EFHC2: variants seen among roughly 807,000 people sequenced by gnomAD.
EFHC2 encodes EF-hand domain-containing family member C2.
EFHC2 carries 18 observed loss-of-function variants against 52.7 expected under a neutral mutation model. The ratio of observed to expected loss-of-function variants is 0.34; its 90% CI spans 0.24 to 0.51. EFHC2 has a LOEUF of 0.51. EFHC2 is among the 20% of genes least tolerant of loss of function. The pLI, the probability that EFHC2 is intolerant of heterozygous loss-of-function variation, is 0.97. For missense variants in EFHC2, 513 were observed against 562.5 expected (o/e 0.91, Z 0.89); for synonymous variants, 203 against 204.1 (o/e 0.99, Z 0.04).
chrX:44,296,486 CA>C (rs35016849), intron 2 of EFHC2, among the ~76,000 whole-genome samples: 1 of 109,377 alleles, frequency 9.1e-6, no homozygotes, highest in Non-Finnish European at 1.9e-5. Flanking sequence ...TATTTTAAGC[CA>C]AAAAAAGGGG....
intron 2 of EFHC2, among the ~76,000 whole-genome samples, chrX:44,281,444 A>G (rs2037701456): frequency 8.9e-6 from 1 of 112,150 alleles, no homozygotes; most frequent in Non-Finnish European, 1.9e-5. Context: ...ACACATAATG[A>G]AAGAGGAGTC....
intron 1 of EFHC2, 130 bp downstream of exon 1, chrX:44,343,417 C>T (rs1391234810): frequency 7.3e-6 from 6 of 818,291 alleles, no homozygotes; most frequent in Non-Finnish European, 1.1e-5. Context: ...AAGTTTGGTC[C>T]AAGTTGCCAC....
intron 2 of EFHC2, 70 bp from the exon 3 acceptor site, chrX:44,272,906 C>A (rs887758763): frequency 3.2e-6 from 3 of 931,743 alleles, no homozygotes; most frequent in Non-Finnish European, 4.4e-6. Flanking sequence ...AACAAAGCAG[C>A]TGCCTGTATA....
At chrX:44,289,452 A>C (rs1336176269) in intron 2 of EFHC2, among the ~76,000 whole-genome samples, 1 of 111,024 alleles carries the variant, frequency 9.0e-6, no homozygotes. Context: ...TTCCCCTAAA[A>C]GTTATAGACA....
At chrX:44,184,802 C>G (rs1345059621) in intron 11 of EFHC2, among the ~76,000 whole-genome samples, 14 of 109,397 alleles carry the variant, frequency 1.3e-4, no homozygotes, top group African/African-American at 3.7e-4. Context: ...GCTTTCTTTT[C>G]CTCAGTGTCA....
At chrX:44,187,352 T>C (rs1384921224) in intron 11 of EFHC2, among the ~76,000 whole-genome samples, 1 of 109,530 alleles carries the variant, frequency 9.1e-6, no homozygotes, top group Admixed American at 9.7e-5. Context: ...GGTGTGAACA[T>C]ATTTTCATCT....
chrX:44,268,518 T>C (rs777338171), intron 3 of EFHC2, among the ~76,000 whole-genome samples: 22 of 111,374 alleles, frequency 2.0e-4, no homozygotes, highest in Non-Finnish European at 4.1e-4. Flanking sequence ...GCCTGGGGTG[T>C]CCTGTGACCT....
chrX:44,237,822 T>A (rs1209623678), intron 8 of EFHC2, among the ~76,000 whole-genome samples: 1 of 111,419 alleles, frequency 9.0e-6, no homozygotes, highest in African/African-American at 3.3e-5. Flanking sequence ...CCTTTGTTGG[T>A]TCCTCCTTTT....
chrX:44,242,004 C>T (rs1286294717), intron 8 of EFHC2, 117 bp downstream of exon 8: 2 of 716,503 alleles, frequency 2.8e-6, no homozygotes, highest in East Asian at 7.5e-5. Context: ...ATAATAATGT[C>T]TCCCTGGACT....
intron 2 of EFHC2, among the ~76,000 whole-genome samples, chrX:44,277,135 C>T (rs1423645591): frequency 2.7e-5 from 3 of 109,151 alleles, no homozygotes; most frequent in South Asian, 8.1e-4. Context: ...GGCGGGTGCC[C>T]GTAGTCCCAG....
At chrX:44,203,162 A>C (rs1334867406) in intron 11 of EFHC2, among the ~76,000 whole-genome samples, 1 of 111,720 alleles carries the variant, frequency 9.0e-6, no homozygotes, top group Non-Finnish European at 1.9e-5. Context: ...GAAAGAAAGC[A>C]CTTTTCATGC....
chrX:44,189,890 G>A (rs977244162), intron 11 of EFHC2, among the ~76,000 whole-genome samples: 1 of 111,098 alleles, frequency 9.0e-6, no homozygotes, highest in Non-Finnish European at 1.9e-5. Context: ...TTAACCTGGA[G>A]ATGAGGTTTT....
chrX:44,306,781 G>A (rs1462432430), intron 2 of EFHC2, among the ~76,000 whole-genome samples: 1 of 112,038 alleles, frequency 8.9e-6, no homozygotes, highest in Non-Finnish European at 1.9e-5. Context: ...TAGAGGCAGA[G>A]CCTGAAACAG....
chrX:44,177,618 G>A (rs1451673485), intron 12 of EFHC2, among the ~76,000 whole-genome samples: 2 of 111,703 alleles, frequency 1.8e-5, no homozygotes, highest in South Asian at 3.8e-4. Flanking sequence ...AGCTCAACAC[G>A]CACACAATCA....
chrX:44,176,329 G>A lies in EFHC2; in HGVS notation c.2005C>T (p.Pro669Ser), dbSNP rs1399465628. The A allele has an allele frequency of 2.5e-6, 3 of 1,200,362 alleles. No homozygotes were observed. The highest frequency in any genetic ancestry group is 3.4e-6 in the Non-Finnish European group (3 of 890,692). ...IKRLCKSSRL[P>S]LSDDLLESLL... ...GATTCTAGAAGATCATCACTCAAAG[G>A]TAATCTGGAGGATTTGCACAGCCTT... Residue 669 changes from proline to serine, a missense_variant, in exon 13 of 15, where the codon CCT becomes TCT. Coordinates refer to ENST00000420999, the MANE Select transcript of EFHC2 (RefSeq NM_025184.4).
At chrX:44,279,187 C>T (rs2037683290) in intron 2 of EFHC2, among the ~76,000 whole-genome samples, 1 of 111,318 alleles carries the variant, frequency 9.0e-6, no homozygotes, top group Non-Finnish European at 1.9e-5. Flanking sequence ...ACTAAAAATA[C>T]AAAAAAATTA....
chrX:44,290,403 C>T (rs5953379), intron 2 of EFHC2, among the ~76,000 whole-genome samples: 16,057 of 111,135 alleles, frequency 0.14, 1,157 homozygotes, highest in Admixed American at 0.26. Context: ...ATCAAAAATA[C>T]TTATTTTTTT....
At chrX:44,170,096 T>C (rs768619091) in intron 13 of EFHC2, among the ~76,000 whole-genome samples, 3 of 111,772 alleles carry the variant, frequency 2.7e-5, no homozygotes, top group African/African-American at 6.5e-5. Flanking sequence ...TATCAACATA[T>C]GTCAGTTTGA....
At position 44,343,633 on chromosome X, in the gene EFHC2, G is replaced by A. The variant is rs141432520; in HGVS notation, c.-45C>T. Reference sequence around the variant, plus strand: ...TCCAGGGTCCCAGAAGAGAGGGCCCGGCAGGCAGCGGCGCCTCCCGGCCGT... The same window carrying A: ...TCCAGGGTCCCAGAAGAGAGGGCCCAGCAGGCAGCGGCGCCTCCCGGCCGT... On this transcript the variant is annotated 5_prime_UTR_variant, in exon 1 of 15. Transcript: ENST00000420999. 4,159 of 1,049,356 alleles carry A rather than the reference G, an allele frequency of 4.0e-3. 85 individuals are homozygous for A. In the African/African-American group the frequency reaches 0.12, roughly 31 times the overall value. 86.5% of individuals were successfully genotyped at this position (1,049,356 alleles called of 1,213,427 possible). A position where few individuals can be genotyped will look rare whatever the true frequency, so the allele number is the denominator to read the frequency against.
Sources: allele counts gnomAD v4.1 joint callset (sites outside exome capture counted in the v4.1 genomes callset), GRCh38; gene constraint gnomAD v4.1.1; transcripts MANE v1.5; gene names NCBI Gene and HGNC (gene_info 2026-07-23, HGNC 2026-07-21).